Variants in GLIS1 observed in about 807,000 individuals in gnomAD.
The protein encoded by GLIS1 is GLIS family zinc finger 1, also known as zinc finger protein GLIS1.
In GLIS1, 24 loss-of-function variants were observed where a neutral mutation model predicts 63.8. That is an observed-to-expected ratio of 0.38 (90% CI 0.27 to 0.53). The LOEUF is 0.53. GLIS1 is among the 20% of genes least tolerant of loss of function. The pLI is 0.85. For synonymous variants in GLIS1, 450 were observed against 482.5 expected, an observed-to-expected ratio of 0.93 and a Z score of 0.88; for missense variants, 1,036 against 1,074.1, an observed-to-expected ratio of 0.96 and a Z score of 0.50.
chr1:53,624,352 C>T (rs1645573591), intron 2 of GLIS1, among the ~76,000 whole-genome samples: 1 of 152,106 alleles, frequency 6.6e-6, no homozygotes, highest in Admixed American at 6.5e-5. Context: ...AAAAGATGAC[C>T]TTGACTCCTA....
chr1:53,652,470 T>C (rs1211428622), intron 2 of GLIS1, among the ~76,000 whole-genome samples: 1 of 152,030 alleles, frequency 6.6e-6, no homozygotes, highest in Non-Finnish European at 1.5e-5. Context: ...GAGGGTGGGA[T>C]GAGATGGTGG....
intron 2 of GLIS1, among the ~76,000 whole-genome samples, chr1:53,613,975 T>C (rs1645451849): frequency 1.3e-5 from 2 of 152,242 alleles, no homozygotes; most frequent in African/African-American, 4.8e-5. Context: ...AAAATATTTA[T>C]AAGAATTAAT....
intron 2 of GLIS1, among the ~76,000 whole-genome samples, chr1:53,608,188 C>T (rs1166758748): frequency 6.6e-6 from 1 of 152,176 alleles, no homozygotes; most frequent in Non-Finnish European, 1.5e-5. Flanking sequence ...GTTTTGAACT[C>T]TTGGGCTCAA....
At chr1:53,666,993 T>C (rs748328548) in intron 2 of GLIS1, among the ~76,000 whole-genome samples, 1 of 152,236 alleles carries the variant, frequency 6.6e-6, no homozygotes, top group Non-Finnish European at 1.5e-5. Flanking sequence ...TGCTCATCCC[T>C]ACACTACTTC....
intron 2 of GLIS1, among the ~76,000 whole-genome samples, chr1:53,634,472 G>A (rs972449016): frequency 1.3e-5 from 2 of 152,196 alleles, no homozygotes; most frequent in Non-Finnish European, 2.9e-5. Flanking sequence ...AGAAGGAAGC[G>A]TTTCCAGGCG....
At chr1:53,717,500 G>A (rs1646712871) in intron 2 of GLIS1, among the ~76,000 whole-genome samples, 1 of 152,118 alleles carries the variant, frequency 6.6e-6, no homozygotes, top group African/African-American at 2.4e-5. Flanking sequence ...TTTTTGGGGG[G>A]TGCCCAGCAT....
chr1:53,603,085 A>C (rs1425661440), intron 2 of GLIS1, among the ~76,000 whole-genome samples: 1 of 152,158 alleles, frequency 6.6e-6, no homozygotes, highest in Non-Finnish European at 1.5e-5. Flanking sequence ...GTCTTTACCC[A>C]ACAAACTATT....
At chr1:53,668,100 C>T (rs999385959) in intron 2 of GLIS1, among the ~76,000 whole-genome samples, 2 of 152,224 alleles carry the variant, frequency 1.3e-5, no homozygotes, top group Non-Finnish European at 2.9e-5. Context: ...CAATAATCCA[C>T]TCCTCCAATT....
At chr1:53,632,513 T>TGTG (rs1359616699) in intron 2 of GLIS1, among the ~76,000 whole-genome samples, 1 of 141,484 alleles carries the variant, frequency 7.1e-6, no homozygotes, top group East Asian at 2.2e-4. Context: ...CTGAGGGGTG[T>TGTG]AATGTGTGTG....
intron 2 of GLIS1, among the ~76,000 whole-genome samples, chr1:53,711,807 G>C (rs1646649850): frequency 6.6e-6 from 1 of 152,202 alleles, no homozygotes; most frequent in Non-Finnish European, 1.5e-5. Context: ...CAGAGCCATG[G>C]GTTTGGAGTC....
At chr1:53,725,358 C>T (rs1646795072) in intron 2 of GLIS1, among the ~76,000 whole-genome samples, 1 of 152,196 alleles carries the variant, frequency 6.6e-6, no homozygotes, top group Non-Finnish European at 1.5e-5. Flanking sequence ...ACCTAGAGAG[C>T]CCTTTTCCAC....
chr1:53,734,669 C>T (rs1646896111), intron 2 of GLIS1, among the ~76,000 whole-genome samples: 1 of 152,220 alleles, frequency 6.6e-6, no homozygotes, highest in Admixed American at 6.5e-5. Flanking sequence ...AGGCAGAGCC[C>T]AGCTGGCGTG....
At chr1:53,589,240 G>T (rs555589691) in intron 4 of GLIS1, among the ~76,000 whole-genome samples, 1 of 152,268 alleles carries the variant, frequency 6.6e-6, no homozygotes, top group Admixed American at 6.5e-5. Flanking sequence ...CACGTAGCTG[G>T]GGCTACAGGC....
chr1:53,527,740 C>T (rs1237964334), intron 5 of GLIS1, among the ~76,000 whole-genome samples: 2 of 152,256 alleles, frequency 1.3e-5, no homozygotes, highest in South Asian at 4.1e-4. Context: ...AAACTAGCAA[C>T]ACAGAGCTGC....
At chr1:53,649,522 A>G (rs1443794829) in intron 2 of GLIS1, among the ~76,000 whole-genome samples, 1 of 152,204 alleles carries the variant, frequency 6.6e-6, no homozygotes, top group Non-Finnish European at 1.5e-5. Context: ...AATACTGTAA[A>G]CTTTGAATAA....
At chr1:53,644,759 G>T (rs1425762978) in intron 2 of GLIS1, among the ~76,000 whole-genome samples, 1 of 152,132 alleles carries the variant, frequency 6.6e-6, no homozygotes, top group African/African-American at 2.4e-5. Context: ...CCCGGGGTCC[G>T]GCATCATCCC....
chr1:53,684,677 C>G (rs548711154), intron 2 of GLIS1, among the ~76,000 whole-genome samples: 1 of 152,328 alleles, frequency 6.6e-6, no homozygotes, highest in East Asian at 1.9e-4. Context: ...CAGCCTGGCA[C>G]TCATTCCCTT....
chr1:53,660,815 G>A (rs1646019518), intron 2 of GLIS1, among the ~76,000 whole-genome samples: 1 of 152,192 alleles, frequency 6.6e-6, no homozygotes, highest in Admixed American at 6.5e-5. Context: ...TCAGCAGGGA[G>A]GAGAGACTAC....
At chr1:53,709,440 A>C (rs994740844) in intron 2 of GLIS1, among the ~76,000 whole-genome samples, 1 of 148,984 alleles carries the variant, frequency 6.7e-6, no homozygotes. Context: ...ACACACACAC[A>C]CACTTGTTGA....
Sources: gnomAD v4.1 joint callset for allele counts (sites outside exome capture counted in the v4.1 genomes callset) on GRCh38, gnomAD v4.1.1 for gene constraint, MANE v1.5 for transcripts, NCBI Gene and HGNC (gene_info 2026-07-23, HGNC 2026-07-21) for gene names.